The following MASP1 variants were observed in gnomAD, a reference collection of about 807,000 sequenced individuals.
The protein encoded by MASP1 is mannan-binding lectin serine protease 1.
Under a neutral mutation model 77.1 loss-of-function variants are expected in MASP1, and 59 were observed. The ratio of observed to expected loss-of-function variants is 0.77; its 90% CI spans 0.62 to 0.95. The LOEUF (loss-of-function observed/expected upper bound fraction) is 0.95. Among genes scored for constraint, MASP1 ranks in the 40% least tolerant of loss-of-function variants. The pLI is 0.00. For synonymous variants in MASP1, 362 were observed against 354.5 expected (o/e 1.02, Z -0.24); for missense variants, 885 against 912.9 (o/e 0.97, Z 0.39).
At chr3:187,225,591 C>T (rs745608685) in intron 12 of MASP1, 1 of 1,405,328 alleles carries the variant, frequency 7.1e-7, no homozygotes, top group Non-Finnish European at 1.0e-6. Context: ...CCCGCCCCAG[C>T]CCCATCCAGC....
exon 16 of MASP1, chr3:187,219,679 A>G (rs578095794): frequency 3.6e-6 from 1 of 275,600 alleles, no homozygotes; most frequent in Admixed American, 4.6e-5. Context: ...GCTAAGGTGC[A>G]TTTATTGAAA....
chr3:187,269,447 C>A (rs1408215062), intron 2 of MASP1, among the ~76,000 whole-genome samples: 3 of 152,106 alleles, frequency 2.0e-5, no homozygotes, highest in African/African-American at 7.2e-5. Flanking sequence ...AGAAAGCGAA[C>A]TGAATAGACT....
chr3:187,225,767 T>C (rs1560229950), intron 12 of MASP1, among the ~76,000 whole-genome samples: 1 of 152,220 alleles, frequency 6.6e-6, no homozygotes, highest in Non-Finnish European at 1.5e-5. Flanking sequence ...TGCCACATGT[T>C]CAATCCCTAT....
Position 187,235,772 on chromosome 3 carries a change from A to G in MASP1, c.2099T>C (p.Val700Ala). 6.2e-7 allele frequency: 1 copy of G among 1,613,550 alleles called. No homozygotes were observed. The highest frequency in any genetic ancestry group is 8.5e-7 in the Non-Finnish European group (1 of 1,179,890). ...CACGTAATTGGAGACCTTTGTGTAG[A>G]CTCCATAGACCTGCTTGCTGCCGCA... ...EECGSKQVYG[V>A]YTKVSNYVDW... Residue 700 changes from valine (V) to alanine (A), a missense_variant, in exon 11 of 11, where the codon GTC (valine) becomes GCC (alanine). Transcript: ENST00000296280.
downstream of MASP1, chr3:187,229,631 C>G: frequency 7.9e-7 from 1 of 1,273,568 alleles, no homozygotes; most frequent in Non-Finnish European, 1.1e-6. Flanking sequence ...GCCGAGAACT[C>G]TTTCTACCGC....
intron 10 of MASP1, among the ~76,000 whole-genome samples, chr3:187,240,082 G>A (rs1025004429): frequency 6.6e-6 from 1 of 151,800 alleles, no homozygotes; most frequent in African/African-American, 2.4e-5. Flanking sequence ...CGTGTAAGAT[G>A]TGCCTTTCAC....
Position 187,220,257 on chromosome 3 carries a change from TC to T in MASP1, c.1913del (p.Gly638GlufsTer14). 2 of 1,613,880 alleles carry T rather than the reference TC, an allele frequency of 1.2e-6. No individual in the cohort carries two copies. The highest frequency in any genetic ancestry group is 1.7e-6 in the Non-Finnish European group (2 of 1,179,948). ...CAGAGTCACCCGCACAGGCGTCCTTTCCCCCTAGGTGAAAAAGAGACATAGA... is the reference window on the plus strand; with the variant it reads ...CAGAGTCACCCGCACAGGCGTCCTTTCCCCTAGGTGAAAAAGAGACATAGA... On this transcript the variant is annotated frameshift_variant, in exon 16 of 16. Coordinates refer to the MASP1 transcript ENST00000337774. LOFTEE classifies it high-confidence loss of function.
chr3:187,240,725 G>A (rs1007142113), intron 10 of MASP1, among the ~76,000 whole-genome samples: 20 of 152,106 alleles, frequency 1.3e-4, no homozygotes, highest in African/African-American at 4.8e-4. Flanking sequence ...TCTGCCCCCT[G>A]GGTTCAAGCA....
Position 187,253,147 on chromosome 3 carries a change from AC to A in MASP1, c.892+20del, listed in dbSNP as rs770638053. ...GGGCTAAGCACAGCAGCTCGGTGTG[AC>A]CTGGGAGGGAAGAGGTTACCTGCAG... On this transcript the variant is annotated intron_variant, in intron 6 of 10. Transcript: ENST00000296280. 72 of 1,613,160 alleles carry A rather than the reference AC, an allele frequency of 4.5e-5. No individual in the cohort carries two copies. The Middle Eastern group carries it at 9.1e-4, about 20-fold the overall frequency.
At chr3:187,221,824 T>C (rs1306961140) in intron 14 of MASP1, among the ~76,000 whole-genome samples, 7 of 152,234 alleles carry the variant, frequency 4.6e-5, no homozygotes, top group Non-Finnish European at 1.5e-5. Context: ...AAAATATATA[T>C]ATTTTTTGCA....
chr3:187,288,512 GTAA>G (rs900531790), intron 1 of MASP1, among the ~76,000 whole-genome samples: 4 of 152,196 alleles, frequency 2.6e-5, no homozygotes, highest in Non-Finnish European at 5.9e-5. Context: ...CCATTAAGTA[GTAA>G]TAATAACGAC....
chr3:187,261,736 A>C (rs1715596389), intron 3 of MASP1, among the ~76,000 whole-genome samples: 1 of 152,234 alleles, frequency 6.6e-6, no homozygotes, highest in African/African-American at 2.4e-5. Flanking sequence ...ACTCAATAGA[A>C]TTGAAAACAT....
At chr3:187,291,346 G>A in intron 1 of MASP1, 2 of 539,916 alleles carry the variant, frequency 3.7e-6, no homozygotes, top group South Asian at 4.0e-5. Context: ...CCAGCAGGCA[G>A]CACCCTGTGC....
chr3:187,275,956 T>C (rs1716930612), intron 2 of MASP1, among the ~76,000 whole-genome samples: 1 of 152,154 alleles, frequency 6.6e-6, no homozygotes, highest in Non-Finnish European at 1.5e-5. Flanking sequence ...AACCCTGTTT[T>C]CCAGTCTCCC....
chr3:187,275,068 C>A (rs956633087), intron 2 of MASP1, among the ~76,000 whole-genome samples: 1 of 152,180 alleles, frequency 6.6e-6, no homozygotes, highest in Non-Finnish European at 1.5e-5. Context: ...CCCCACCTCA[C>A]CCCTTCTGGG....
chr3:187,267,541 A>G (rs1716142491), intron 2 of MASP1, among the ~76,000 whole-genome samples: 1 of 152,262 alleles, frequency 6.6e-6, no homozygotes, highest in African/African-American at 2.4e-5. Context: ...TCACATACAG[A>G]GAAAGAAATG....
downstream of MASP1, among the ~76,000 whole-genome samples, chr3:187,233,281 G>C (rs1324937614): frequency 2.0e-5 from 3 of 152,252 alleles, no homozygotes; most frequent in East Asian, 5.8e-4. Flanking sequence ...CCCAAACTTA[G>C]AGAATCACTC....
chr3:187,251,302 C>T (rs1448074507), intron 7 of MASP1: 1 of 300,684 alleles, frequency 3.3e-6, no homozygotes, highest in Non-Finnish European at 6.4e-6. Flanking sequence ...TCCTGGTATC[C>T]CACTCCACTC....
chr3:187,240,385 T>C (rs551231066), intron 10 of MASP1, among the ~76,000 whole-genome samples: 3 of 152,314 alleles, frequency 2.0e-5, no homozygotes, highest in African/African-American at 7.2e-5. Flanking sequence ...TGTGCAAACA[T>C]GCAGATGGAA....
Sources: allele counts gnomAD v4.1 joint callset (sites outside exome capture counted in the v4.1 genomes callset), GRCh38; gene constraint gnomAD v4.1.1; transcripts MANE v1.5; gene names NCBI Gene and HGNC (gene_info 2026-07-23, HGNC 2026-07-21).